NEURL1: variants seen among roughly 807,000 people sequenced by gnomAD.
NEURL1 encodes neuralized E3 ubiquitin protein ligase 1, also known as E3 ubiquitin-protein ligase NEURL1.
Under a neutral mutation model 41.2 loss-of-function variants are expected in NEURL1, and 26 were observed. The observed-to-expected ratio is 0.63, with a 90% CI of 0.46 to 0.87. NEURL1 has a LOEUF of 0.87. NEURL1 is among the 40% of genes least tolerant of loss of function. The pLI, the probability that NEURL1 is intolerant of heterozygous loss-of-function variation, is 0.00. For missense variants in NEURL1, 761 were observed against 871.1 expected (o/e 0.87, Z 1.59); for synonymous variants, 400 against 402.3 (o/e 0.99, Z 0.07).
chr10:103,555,233 G>C, intron 1 of NEURL1: 2 of 895,266 alleles, frequency 2.2e-6, no homozygotes, highest in Non-Finnish European at 2.7e-6. Flanking sequence ...GGGGCGCGTG[G>C]GGGCGCGGGA....
chr10:103,571,810 G>T lies in NEURL1; in HGVS notation c.637G>T (p.Val213Phe). The T allele has an allele frequency of 6.2e-7, 1 of 1,602,794 alleles. No homozygotes were observed. ...GGACGTCTACGGCCTCACGCGGGGC[G>T]TCCAGCTGCTTGGTGAGTGCCTGCC... ...LVDVYGLTRG[V>F]QLLDSELVLP... The change falls in exon 3 of 6, where the codon GTC becomes TTC. Residue 213 changes from valine to phenylalanine, a missense_variant. Coordinates refer to ENST00000369780, the MANE Select transcript of NEURL1 (RefSeq NM_004210.5).
intron 1 of NEURL1, among the ~76,000 whole-genome samples, chr10:103,555,638 G>A (rs575368282): frequency 2.6e-5 from 4 of 152,192 alleles, no homozygotes; most frequent in Admixed American, 2.0e-4. Context: ...TGACAGTGGC[G>A]CCCTCCCACT....
chr10:103,494,980 A>T (rs942854743), intron 1 of NEURL1, among the ~76,000 whole-genome samples: 17 of 152,170 alleles, frequency 1.1e-4, no homozygotes, highest in African/African-American at 2.4e-5. Context: ...GGTCCTTTGC[A>T]GCCGTTGGGT....
chr10:103,559,340 C>A (rs886338336), intron 1 of NEURL1, among the ~76,000 whole-genome samples: 2 of 152,186 alleles, frequency 1.3e-5, no homozygotes, highest in Non-Finnish European at 2.9e-5. Context: ...GCTCTGCATT[C>A]CCTTACCTCA....
At chr10:103,571,251 C>T in intron 2 of NEURL1, 138 bp downstream of exon 2, 1 of 954,402 alleles carries the variant, frequency 1.0e-6, no homozygotes, top group Non-Finnish European at 1.6e-6. Context: ...CCTTTCCTCT[C>T]TGGTGACCCT....
At chr10:103,589,023 G>A (rs1170199236) in intron 4 of NEURL1, 3 of 416,852 alleles carry the variant, frequency 7.2e-6, no homozygotes, top group Non-Finnish European at 1.4e-5. Flanking sequence ...ATCAGAACAA[G>A]GTGGGAAAAA....
rs1592249307 is a variant in NEURL1, at chr10:103,591,449, G to A, written c.*1077G>A. 1 of 152,318 alleles carries A rather than the reference G, an allele frequency of 6.6e-6. No homozygotes were observed. Among genetic ancestry groups the A allele is most frequent in the South Asian group, 2.1e-4 (1 of 4,822 alleles). 9.4% of individuals were successfully genotyped at this position (152,318 alleles called of 1,614,324 possible). A position where few individuals can be genotyped will look rare whatever the true frequency, so the allele number is the denominator to read the frequency against. On this transcript the variant is annotated 3_prime_UTR_variant, in exon 6 of 6. Coordinates refer to ENST00000369780, the MANE Select transcript of NEURL1 (RefSeq NM_004210.5). ...GTTTTTTTTGTTTGTTTGTTTGTAG[G>A]TGAGTTCCCATCCTCTGGGCCCCTA...
chr10:103,513,833 A>G (rs2034133261), intron 1 of NEURL1, among the ~76,000 whole-genome samples: 1 of 151,862 alleles, frequency 6.6e-6, no homozygotes, highest in Admixed American at 6.6e-5. Context: ...GAATCCCCCA[A>G]GGCCTCTGGG....
rs56098530 is a variant in NEURL1, at chr10:103,503,788, C to CTTTTTTTTTTTTTTTTTTTTTT, written c.85+9336_85+9337insTTTTTTTTTTTTTTTTTTTTTT. On this transcript the variant is annotated intron_variant, in intron 1 of 5. Coordinates refer to ENST00000369780, the MANE Select transcript of NEURL1 (RefSeq NM_004210.5). ...AGAGCTCATGCTGTGCTCCCCCTGG[C>CTTTTTTTTTTTTTTTTTTTTTT]TTTTTTTTTTTTTTTTTTTTGAGAC... Among the ~76,000 whole-genome samples, 4 of 110,586 alleles carry CTTTTTTTTTTTTTTTTTTTTTT rather than the reference C, an allele frequency of 3.6e-5. 2 individuals are homozygous for CTTTTTTTTTTTTTTTTTTTTTT. Among genetic ancestry groups the CTTTTTTTTTTTTTTTTTTTTTT allele is most frequent in the African/African-American group, 7.0e-5 (2 of 28,698 alleles). 72.5% of individuals were successfully genotyped at this position (110,586 alleles called of 152,430 possible).
chr10:103,541,328 G>C (rs1336173786), intron 1 of NEURL1, among the ~76,000 whole-genome samples: 2 of 152,152 alleles, frequency 1.3e-5, no homozygotes, highest in African/African-American at 4.8e-5. Flanking sequence ...AGGAAGCTGG[G>C]GGAGTCTGGG....
chr10:103,566,577 C>T lies in NEURL1; in HGVS notation c.86-4295C>T, dbSNP rs2035429209. On this transcript the variant is annotated intron_variant, in intron 1 of 5. Transcript: ENST00000369780. The surrounding 1 kb of genome is among the most constrained non-coding windows in gnomAD (Gnocchi z 4.2). Reference sequence around the variant, plus strand: ...GCAGAGTAGTGATTGCATGGAGCTGCCACATTTTTAACTGCTCACCAGCTG... The same window carrying T: ...GCAGAGTAGTGATTGCATGGAGCTGTCACATTTTTAACTGCTCACCAGCTG... 6.6e-6 allele frequency among the ~76,000 whole-genome samples: 1 copy of T among 152,128 alleles called. No individual in the cohort carries two copies. Among genetic ancestry groups the T allele is most frequent in the Admixed American group, 6.6e-5 (1 of 15,264 alleles).
chr10:103,547,074 T>G (rs1338005954), intron 1 of NEURL1, among the ~76,000 whole-genome samples: 1 of 152,232 alleles, frequency 6.6e-6, no homozygotes, highest in Admixed American at 6.5e-5. Flanking sequence ...GCACACGACA[T>G]GCATGAGCTC....
At chr10:103,565,140 G>A (rs907566909) in intron 1 of NEURL1, among the ~76,000 whole-genome samples, 1 of 152,130 alleles carries the variant, frequency 6.6e-6, no homozygotes, top group Non-Finnish European at 1.5e-5. Flanking sequence ...ATGGGGTGAG[G>A]GGTGCTCAGG....
intron 1 of NEURL1, among the ~76,000 whole-genome samples, chr10:103,544,028 G>A (rs985394047): frequency 2.6e-5 from 4 of 152,188 alleles, no homozygotes; most frequent in Admixed American, 1.3e-4. Context: ...CCTGATGCTC[G>A]GGAGCCACAG....
intron 1 of NEURL1, among the ~76,000 whole-genome samples, chr10:103,543,475 C>T (rs777415382): frequency 2.1e-4 from 32 of 152,238 alleles, no homozygotes; most frequent in Admixed American, 1.3e-3. Context: ...CCCGCACCAT[C>T]GGCTCCAGGC....
intron 1 of NEURL1, among the ~76,000 whole-genome samples, chr10:103,503,119 C>T (rs2033862403): frequency 6.6e-6 from 1 of 152,210 alleles, no homozygotes; most frequent in Non-Finnish European, 1.5e-5. Context: ...AAGCCAGAGT[C>T]CAAAGGCCCT....
In NEURL1 at chr10:103,586,905, G is replaced by A. The variant is rs2035935119; in HGVS notation, c.1339+1680G>A. ...TTCTACTAAAATACAAAAAAATTTAGCTGGGTGTGGTGGTGCACGCCTGTA... is the reference window on the plus strand; with the variant it reads ...TTCTACTAAAATACAAAAAAATTTAACTGGGTGTGGTGGTGCACGCCTGTA... On this transcript the variant is annotated intron_variant, in intron 4 of 5. Transcript: ENST00000369780. Among the ~76,000 whole-genome samples, 2 of 152,104 alleles carry A rather than the reference G, an allele frequency of 1.3e-5. 1 individual carries two copies. The highest frequency in any genetic ancestry group is 4.1e-4 in the South Asian group (2 of 4,824).
In NEURL1 at chr10:103,590,191, G is replaced by A. The variant is rs1249603493; in HGVS notation, c.1544G>A (p.Gly515Asp). ...LPESPVTPGLGQWSDECTICY... is the reference protein window; with the variant it reads ...LPESPVTPGLDQWSDECTICY... ...GAGTCGCCAGTGACCCCAGGTCTGG[G>A]CCAGTGGAGCGATGAGTGCACCATT... Residue 515 changes from glycine to aspartate, a missense_variant, in exon 6 of 6, where the codon GGC becomes GAC. Gly to Asp is a moderately conservative substitution (Grantham distance 94). This residue lies in a region of NEURL1 where 45 missense variants were observed against 89.9 expected (regional missense o/e 0.50). Transcript: ENST00000369780. 2 of 1,614,096 alleles carry A rather than the reference G, an allele frequency of 1.2e-6. No homozygotes were observed. Among genetic ancestry groups the A allele is most frequent in the African/African-American group, 1.3e-5 (1 of 74,926 alleles).
At chr10:103,575,859 G>C (rs2133880117) in intron 3 of NEURL1, among the ~76,000 whole-genome samples, 1 of 152,366 alleles carries the variant, frequency 6.6e-6, no homozygotes, top group Non-Finnish European at 1.5e-5. Flanking sequence ...GGTTTTATGG[G>C]GTGATTAATA....
Sources: gnomAD v4.1 joint callset for allele counts (sites outside exome capture counted in the v4.1 genomes callset) on GRCh38, gnomAD v4.1.1 for gene constraint, gnomAD v4.1.1 regional missense constraint, Gnocchi (gnomAD v3.1) non-coding constraint, MANE v1.5 for transcripts, NCBI Gene and HGNC (gene_info 2026-07-23, HGNC 2026-07-21) for gene names.